Variants in NLRC5 observed in about 807,000 individuals in gnomAD.
The protein encoded by NLRC5 is protein NLRC5.
In NLRC5, 114 loss-of-function variants were observed where a neutral mutation model predicts 206.9. The ratio of observed to expected loss-of-function variants is 0.55; its 90% confidence interval spans 0.47 to 0.64. The LOEUF (loss-of-function observed/expected upper bound fraction) is 0.64. NLRC5 is among the 30% of genes least tolerant of loss of function. The pLI is 0.00. For missense variants in NLRC5, 2,008 were observed against 2,305.5 expected, an observed-to-expected ratio of 0.87 and a Z score of 2.64; for synonymous variants, 952 against 962.8, an observed-to-expected ratio of 0.99 and a Z score of 0.21.
chr16:57,055,043 A>G lies in NLRC5; in HGVS notation c.3608A>G (p.His1203Arg), dbSNP rs763760187. 1.2e-6 allele frequency: 2 copies of G among 1,614,222 alleles called. No individual in the cohort carries two copies. The highest frequency in any genetic ancestry group is 1.3e-5 in the African/African-American group (1 of 75,062). ...CCTGTCTGATCCAGGTCCCTGCACC[A>G]TGCAACTTTGCACTTCAGATCCAAC... is the stretch of plus-strand genomic sequence containing the variant. ...VKKVDLRSLHHATLHFRSNEE... is the reference protein window; with the variant it reads ...VKKVDLRSLHRATLHFRSNEE... Residue 1203 changes from histidine (H) to arginine (R), a missense_variant, in exon 26 of 49, where the codon CAT becomes CGT. His to Arg is a conservative substitution (Grantham distance 29, BLOSUM62 0). Coordinates refer to ENST00000688547, the MANE Select transcript of NLRC5 (RefSeq NM_001384950.1).
At chr16:56,998,224 T>A (rs1386028960) in intron 1 of NLRC5, among the ~76,000 whole-genome samples, 1 of 150,566 alleles carries the variant, frequency 6.6e-6, no homozygotes, top group African/African-American at 2.4e-5. Flanking sequence ...TTTAAAAAAA[T>A]GTATTAATTC....
At chr16:57,059,674 CA>C (rs2066162125) in intron 30 of NLRC5, 142 bp downstream of exon 30, 2 of 755,702 alleles carry the variant, frequency 2.6e-6, no homozygotes, top group Admixed American at 7.0e-5. Flanking sequence ...TCTGTTCCTC[CA>C]GATCTGCCCC....
At chr16:57,035,738 G>T (rs1684578) in intron 13 of NLRC5, among the ~76,000 whole-genome samples, 58,278 of 152,086 alleles carry the variant, frequency 0.38, 11,379 homozygotes, top group Non-Finnish European at 0.42. Context: ...CAGCATAAAG[G>T]AAGAGTTGAG....
chr16:57,052,100 C>A (rs1011815868), intron 24 of NLRC5, among the ~76,000 whole-genome samples: 1 of 152,046 alleles, frequency 6.6e-6, no homozygotes, highest in Non-Finnish European at 1.5e-5. Context: ...CCGTCAAACT[C>A]GCAAAAAGGG....
intron 32 of NLRC5, among the ~76,000 whole-genome samples, chr16:57,064,048 T>G (rs1157089658): frequency 6.6e-6 from 1 of 151,852 alleles, no homozygotes; most frequent in Non-Finnish European, 1.5e-5. Flanking sequence ...AAAATAACAT[T>G]TTCAAATAAA....
chr16:57,035,431 A>C (rs2062429600), intron 13 of NLRC5, among the ~76,000 whole-genome samples: 1 of 152,104 alleles, frequency 6.6e-6, no homozygotes, highest in Admixed American at 6.5e-5. Context: ...GGTGGTCCAG[A>C]ACCCTGCCCC....
Position 57,082,697 on chromosome 16 carries a change from T to C in NLRC5, c.*169T>C, listed in dbSNP as rs771534341. ...GCTGCAGTCCTCAGGGAGAACTTTT[T>C]TGGGAACCAGGAGCTGGGTCTGGAC... On this transcript the variant is annotated 3_prime_UTR_variant, in exon 49 of 49. Transcript: ENST00000688547. The C allele has an allele frequency of 1.9e-4, 110 of 570,636 alleles. No homozygotes were observed. The highest frequency in any genetic ancestry group is 3.3e-4 in the Non-Finnish European group (106 of 322,744). 35.3% of individuals were successfully genotyped at this position (570,636 alleles called of 1,614,324 possible). A position where few individuals can be genotyped will look rare whatever the true frequency, so the allele number is the denominator to read the frequency against.
intron 24 of NLRC5, among the ~76,000 whole-genome samples, chr16:57,054,358 G>T (rs1031488900): frequency 6.6e-6 from 1 of 152,272 alleles, no homozygotes; most frequent in East Asian, 1.9e-4. Flanking sequence ...CTGTGAGCAA[G>T]GACTCGCCTG....
At chr16:57,007,379 T>C (rs2059030813) in intron 1 of NLRC5, among the ~76,000 whole-genome samples, 1 of 152,230 alleles carries the variant, frequency 6.6e-6, no homozygotes, top group Non-Finnish European at 1.5e-5. Context: ...AGTTCTAATG[T>C]ATTATATTTA....
chr16:57,001,894 G>C (rs1451079193), intron 1 of NLRC5, among the ~76,000 whole-genome samples: 2 of 146,706 alleles, frequency 1.4e-5, no homozygotes, highest in African/African-American at 5.1e-5. Flanking sequence ...CCCCCACCCT[G>C]GCCTCCTACT....
chr16:57,002,674 C>T (rs1299322395), intron 1 of NLRC5, among the ~76,000 whole-genome samples: 4 of 124,496 alleles, frequency 3.2e-5, no homozygotes, highest in Non-Finnish European at 6.4e-5. Context: ...GACAGAGTCT[C>T]ACTCTGTCTC....
At chr16:57,003,288 G>A (rs1215462128) in intron 1 of NLRC5, among the ~76,000 whole-genome samples, 1 of 152,010 alleles carries the variant, frequency 6.6e-6, no homozygotes, top group African/African-American at 2.4e-5. Context: ...GACCTCAGGT[G>A]ATCTGCCTGC....
chr16:57,044,665 C>T (rs142098070), intron 20 of NLRC5, among the ~76,000 whole-genome samples: 5 of 152,298 alleles, frequency 3.3e-5, no homozygotes, highest in African/African-American at 7.2e-5. Flanking sequence ...GTAATCCCAG[C>T]ACTTTGGGAG....
At chr16:57,080,864 G>A (rs78197064) in intron 46 of NLRC5, 7,298 of 517,376 alleles carry the variant, frequency 0.014, 443 homozygotes, top group African/African-American at 0.12. Context: ...GGCAAAAATG[G>A]CAACATCTTG....
At chr16:57,045,704 C>A (rs1381632723) in intron 21 of NLRC5, among the ~76,000 whole-genome samples, 2 of 152,194 alleles carry the variant, frequency 1.3e-5, no homozygotes, top group African/African-American at 4.8e-5. Flanking sequence ...TGGAAGGAGG[C>A]AATGCAGATG....
intron 14 of NLRC5, among the ~76,000 whole-genome samples, 182 bp from the exon 15 acceptor site, chr16:57,037,013 G>T (rs1180511217): frequency 6.6e-6 from 1 of 152,204 alleles, no homozygotes; most frequent in East Asian, 1.9e-4. Context: ...ATGGGATGGG[G>T]GTGTCATGCA....
chr16:56,991,671 C>T (rs1023892494), intron 1 of NLRC5, among the ~76,000 whole-genome samples: 7 of 143,424 alleles, frequency 4.9e-5, no homozygotes, highest in African/African-American at 1.3e-4. Flanking sequence ...CCATCTTGCC[C>T]GGACTCCTTT....
rs948695911 is a variant in NLRC5, at chr16:57,078,136, A to G, written c.5081+116A>G. The G allele has an allele frequency of 2.2e-5, 17 of 771,088 alleles. No homozygotes were observed. In the African/African-American group the frequency reaches 2.8e-4, roughly 13 times the overall value. The allele number at this position is 771,088 out of a possible 1,614,324, so 47.8% of individuals were successfully genotyped here. On this transcript the variant is annotated intron_variant, in intron 43 of 48. Transcript: ENST00000688547. ...TGCCCTGCCCCAAGTCAAGCTTGGC[A>G]TATACCCACTCTCCTGCCTGTTCCT...
At chr16:57,047,694 G>A (rs1342844081) in intron 23 of NLRC5, 66 bp downstream of exon 23, 6 of 1,369,320 alleles carry the variant, frequency 4.4e-6, no homozygotes, top group Admixed American at 1.9e-5. Flanking sequence ...CTGGGAGGGG[G>A]CTTCTTGGTT....
Sources: allele counts gnomAD v4.1 joint callset (sites outside exome capture counted in the v4.1 genomes callset), GRCh38; gene constraint gnomAD v4.1.1; transcripts MANE v1.5; gene names NCBI Gene and HGNC (gene_info 2026-07-23, HGNC 2026-07-21).